TMEM135: variants seen among roughly 807,000 people sequenced by gnomAD.
TMEM135 encodes the protein transmembrane protein 135.
A neutral mutation model predicts 60.3 loss-of-function variants in TMEM135; 30 were observed. That is an observed-to-expected ratio of 0.50 (90% confidence interval 0.37 to 0.68). The LOEUF (loss-of-function observed/expected upper bound fraction) is 0.68, where lower values mean the gene tolerates loss of function less well. Ranked by LOEUF, TMEM135 falls within the 30% of genes least tolerant of loss-of-function variation. TMEM135 has a pLI of 0.00. For synonymous variants in TMEM135, 190 were observed against 186.7 expected (o/e 1.02, Z -0.14); for missense variants, 468 against 548.8 (o/e 0.85, Z 1.47).
rs1723269478 is a variant in TMEM135 at position 87,211,039 on chromosome 11, C to T, written c.463-25599C>T. Among the ~76,000 whole-genome samples, 3 of 152,144 alleles carry T rather than the reference C, an allele frequency of 2.0e-5. No homozygotes were observed. The East Asian group carries it at 5.8e-4, about 29-fold the overall frequency. ...ATTATGACAAACCCATAGCCAATGT[C>T]ATACTGAAATGGCAACAGCTGAAGC... On this transcript the variant is annotated intron_variant, in intron 5 of 14. Coordinates refer to ENST00000305494, the MANE Select transcript of TMEM135 (RefSeq NM_022918.4).
intron 6 of TMEM135, among the ~76,000 whole-genome samples, chr11:87,289,164 C>T (rs1022410306): frequency 6.6e-6 from 1 of 152,014 alleles, no homozygotes; most frequent in East Asian, 1.9e-4. Flanking sequence ...TGTATTTTAT[C>T]TTTTAAAAAA....
chr11:87,163,046 T>A (rs1195293589), intron 5 of TMEM135, among the ~76,000 whole-genome samples: 3 of 151,900 alleles, frequency 2.0e-5, no homozygotes, highest in Non-Finnish European at 4.4e-5. Context: ...TTTATTTTTA[T>A]TTTATTATAC....
chr11:87,320,204 G>A (rs9666962), intron 14 of TMEM135, among the ~76,000 whole-genome samples: 130,037 of 152,034 alleles, frequency 0.86, 56,580 homozygotes, highest in African/African-American at 0.96. Context: ...GTTAGGTTCT[G>A]TTATTATCCC....
intron 14 of TMEM135, 32 bp downstream of exon 14, chr11:87,319,409 T>TTCCATTTTGGA: frequency 6.8e-7 from 1 of 1,480,236 alleles, no homozygotes; most frequent in African/African-American, 1.4e-5. Flanking sequence ...TTAAAAATAT[T>TTCCATTTTGGA]ATGAGTGGTT....
At chr11:87,218,323 T>C (rs192985376) in intron 5 of TMEM135, among the ~76,000 whole-genome samples, 18 of 152,328 alleles carry the variant, frequency 1.2e-4, no homozygotes, top group African/African-American at 3.8e-4. Context: ...CAGATAATAC[T>C]GGCCTTTGGC....
intron 5 of TMEM135, among the ~76,000 whole-genome samples, chr11:87,163,711 C>G (rs905589016): frequency 2.7e-5 from 4 of 149,322 alleles, no homozygotes; most frequent in African/African-American, 7.4e-5. Flanking sequence ...TGTTTCCTGA[C>G]TTTTTAATGA....
At chr11:87,152,302 A>G (rs1266947966) in intron 4 of TMEM135, among the ~76,000 whole-genome samples, 4 of 151,634 alleles carry the variant, frequency 2.6e-5, no homozygotes, top group Non-Finnish European at 5.9e-5. Flanking sequence ...TCATTTTTGT[A>G]GTATTTCTGG....
intron 4 of TMEM135, among the ~76,000 whole-genome samples, chr11:87,127,852 C>T (rs560637142): frequency 3.1e-4 from 45 of 146,152 alleles, no homozygotes; most frequent in African/African-American, 8.0e-4. Flanking sequence ...ATATTTGTAA[C>T]TTAATGTAAA....
chr11:87,040,517 C>T (rs1387679621), intron 1 of TMEM135, among the ~76,000 whole-genome samples: 1 of 152,148 alleles, frequency 6.6e-6, no homozygotes, highest in Admixed American at 6.5e-5. Flanking sequence ...ATAAAATTAG[C>T]TGGGCGTGGT....
At chr11:87,063,329 A>T (rs1398885952) in intron 1 of TMEM135, among the ~76,000 whole-genome samples, 1 of 152,134 alleles carries the variant, frequency 6.6e-6, no homozygotes, top group Non-Finnish European at 1.5e-5. Context: ...TTTTTAGCTA[A>T]ATCTTTATAT....
chr11:87,119,724 A>G (rs981093642), intron 4 of TMEM135, among the ~76,000 whole-genome samples: 10 of 152,358 alleles, frequency 6.6e-5, no homozygotes, highest in African/African-American at 2.4e-4. Flanking sequence ...CAAAAACATT[A>G]AAGATGACTG....
chr11:87,314,553 C>T lies in TMEM135; in HGVS notation c.1077+6C>T, dbSNP rs199684101. On this transcript the variant is annotated splice_donor_region_variant and intron_variant, in intron 12 of 14. Coordinates refer to ENST00000305494, the MANE Select transcript of TMEM135 (RefSeq NM_022918.4). ...TAGCGTCCAAATTGGTAGAGGTAAG[C>T]GAAATTTTTGTGCAAGAATAGTTCC... is the stretch of plus-strand genomic sequence containing the variant. 1.4e-5 allele frequency: 23 copies of T among 1,609,094 alleles called. No homozygotes were observed. In the East Asian group the frequency reaches 1.8e-4, roughly 13 times the overall value.
chr11:87,207,454 A>C (rs926379939), intron 5 of TMEM135, among the ~76,000 whole-genome samples: 1 of 152,148 alleles, frequency 6.6e-6, no homozygotes, highest in Non-Finnish European at 1.5e-5. Flanking sequence ...TTGGGATTCA[A>C]GGGCTGCGTA....
chr11:87,116,133 G>C (rs543872721), intron 4 of TMEM135, among the ~76,000 whole-genome samples: 1 of 152,202 alleles, frequency 6.6e-6, no homozygotes, highest in East Asian at 1.9e-4. Flanking sequence ...TTTGGCCAAT[G>C]AGATGTGTAA....
chr11:87,244,556 A>G (rs1293784142), intron 6 of TMEM135, among the ~76,000 whole-genome samples: 1 of 83,572 alleles, frequency 1.2e-5, no homozygotes, highest in Non-Finnish European at 2.9e-5. Flanking sequence ...CAGATATTCA[A>G]CTTCTTCCTG....
At chr11:87,157,656 CATTTT>C (rs142064263) in intron 5 of TMEM135, 7,089 of 387,300 alleles carry the variant, frequency 0.018, 406 homozygotes, top group African/African-American at 0.13. Context: ...TAAAAAATGA[CATTTT>C]ATTAGTAACT....
chr11:87,158,637 AT>A (rs35695205), intron 5 of TMEM135, among the ~76,000 whole-genome samples: 55,559 of 150,868 alleles, frequency 0.37, 10,746 homozygotes, highest in East Asian at 0.67. Context: ...AATTTTTTGT[AT>A]TTTTTTTACT....
chr11:87,282,643 G>T (rs996111020), intron 6 of TMEM135, among the ~76,000 whole-genome samples: 1 of 152,152 alleles, frequency 6.6e-6, no homozygotes, highest in Non-Finnish European at 1.5e-5. Context: ...GAAGACCATT[G>T]TTCTCTACTT....
At chr11:87,140,363 A>G (rs1055292415) in intron 4 of TMEM135, among the ~76,000 whole-genome samples, 3 of 152,112 alleles carry the variant, frequency 2.0e-5, no homozygotes, top group African/African-American at 7.2e-5. Context: ...CACCACGCCC[A>G]GCTGCTTTTT....
Sources: gnomAD v4.1 joint callset for allele counts (sites outside exome capture counted in the v4.1 genomes callset) on GRCh38, gnomAD v4.1.1 for gene constraint, MANE v1.5 for transcripts, NCBI Gene and HGNC (gene_info 2026-07-23, HGNC 2026-07-21) for gene names.